CACNB4: variants seen among roughly 807,000 people sequenced by gnomAD.
CACNB4 encodes voltage-dependent L-type calcium channel subunit beta-4.
CACNB4 carries 32 observed loss-of-function variants against 71.2 expected under a neutral mutation model. That is an observed-to-expected ratio of 0.45 (90% CI 0.34 to 0.60). The LOEUF (loss-of-function observed/expected upper bound fraction) is 0.60, where lower values mean the gene tolerates loss of function less well. CACNB4 is among the 20% of genes least tolerant of loss of function. The pLI, the probability that CACNB4 is intolerant of heterozygous loss-of-function variation, is 0.01. For synonymous variants in CACNB4, 231 were observed against 236.9 expected, an observed-to-expected ratio of 0.97 and a Z score of 0.23; for missense variants, 464 against 647.9, an observed-to-expected ratio of 0.72 and a Z score of 3.08.
chr2:151,961,369 A>G (rs1170701649), intron 2 of CACNB4, among the ~76,000 whole-genome samples: 3 of 152,212 alleles, frequency 2.0e-5, no homozygotes, highest in Non-Finnish European at 2.9e-5. Context: ...TAGCTTCTCA[A>G]GCTTTCTCCA....
intron 2 of CACNB4, among the ~76,000 whole-genome samples, chr2:151,895,805 A>T (rs1296965947): frequency 6.6e-6 from 1 of 150,784 alleles, no homozygotes; most frequent in African/African-American, 2.4e-5. Flanking sequence ...AGCACTTACT[A>T]TGTCCCATGA....
At chr2:151,959,528 G>A (rs1257865670) in intron 2 of CACNB4, among the ~76,000 whole-genome samples, 1 of 152,142 alleles carries the variant, frequency 6.6e-6, no homozygotes, top group African/African-American at 2.4e-5. Context: ...TGTAAATGCA[G>A]CACTCAAATG....
chr2:151,955,477 A>AATGGTGAAGAAGCCATCCAAG (rs2151677884), intron 2 of CACNB4, among the ~76,000 whole-genome samples: 1 of 152,282 alleles, frequency 6.6e-6, no homozygotes, highest in East Asian at 1.9e-4. Context: ...AGACACATGA[A>AATGGTGAAGAAGCCATCCAAG]ATGGTGAAGA....
At chr2:151,943,139 G>A (rs766256344) in intron 2 of CACNB4, among the ~76,000 whole-genome samples, 1 of 152,158 alleles carries the variant, frequency 6.6e-6, no homozygotes. Context: ...AGGCTTAGGT[G>A]GGCATCACGG....
At chr2:151,932,048 C>T (rs1462275649) in intron 2 of CACNB4, among the ~76,000 whole-genome samples, 1 of 151,894 alleles carries the variant, frequency 6.6e-6, no homozygotes, top group African/African-American at 2.4e-5. Flanking sequence ...AGGAGAGACA[C>T]CAGGCTGTTA....
chr2:152,095,292 T>A (rs532084043), intron 2 of CACNB4, among the ~76,000 whole-genome samples: 1 of 152,162 alleles, frequency 6.6e-6, no homozygotes, highest in African/African-American at 2.4e-5. Context: ...TGTTCATGTG[T>A]GTGCATGCAC....
At chr2:151,889,693 G>C (rs2099850261) in intron 2 of CACNB4, among the ~76,000 whole-genome samples, 1 of 152,098 alleles carries the variant, frequency 6.6e-6, no homozygotes, top group Admixed American at 6.5e-5. Flanking sequence ...GTTGTCATTA[G>C]GCTATCTTTA....
At chr2:151,927,930 A>G (rs2099860658) in intron 2 of CACNB4, among the ~76,000 whole-genome samples, 1 of 152,206 alleles carries the variant, frequency 6.6e-6, no homozygotes, top group East Asian at 1.9e-4. Context: ...ACATAAGAAA[A>G]AGGAAAATCT....
At chr2:152,068,285 G>A (rs1686461317) in intron 2 of CACNB4, among the ~76,000 whole-genome samples, 1 of 152,122 alleles carries the variant, frequency 6.6e-6, no homozygotes, top group African/African-American at 2.4e-5. Flanking sequence ...CCCTTGCCTA[G>A]AGACCCTGCA....
chr2:152,057,676 T>A (rs1226248667), intron 2 of CACNB4, among the ~76,000 whole-genome samples: 1 of 152,124 alleles, frequency 6.6e-6, no homozygotes, highest in Non-Finnish European at 1.5e-5. Context: ...TGTATATACA[T>A]ACACACATGC....
intron 2 of CACNB4, among the ~76,000 whole-genome samples, chr2:152,064,261 G>A: frequency 6.6e-6 from 1 of 152,152 alleles, no homozygotes; most frequent in East Asian, 1.9e-4. Context: ...CCAGGGAGAA[G>A]GCAAAAACAT....
At chr2:152,087,712 T>C (rs1026369526) in intron 2 of CACNB4, among the ~76,000 whole-genome samples, 2 of 151,642 alleles carry the variant, frequency 1.3e-5, no homozygotes, top group African/African-American at 2.4e-5. Flanking sequence ...ACCCCATCTC[T>C]ACCAAAAAAT....
chr2:151,958,076 A>G (rs2099868774), intron 2 of CACNB4, among the ~76,000 whole-genome samples: 1 of 152,190 alleles, frequency 6.6e-6, no homozygotes, highest in African/African-American at 2.4e-5. Context: ...GTGATTATCA[A>G]GCTTATTTGA....
chr2:152,091,543 GA>G (rs933294080), intron 2 of CACNB4, among the ~76,000 whole-genome samples: 4 of 151,974 alleles, frequency 2.6e-5, no homozygotes, highest in Admixed American at 2.0e-4. Flanking sequence ...GCTGAGGCAG[GA>G]CCAGCCTCCC....
At chr2:152,029,005 A>G (rs1450314958) in intron 2 of CACNB4, among the ~76,000 whole-genome samples, 2 of 152,250 alleles carry the variant, frequency 1.3e-5, no homozygotes, top group East Asian at 3.8e-4. Context: ...CCAAGAAGAT[A>G]GAGTGTGTTG....
chr2:152,067,927 G>C (rs1163395960), intron 2 of CACNB4, among the ~76,000 whole-genome samples: 1 of 152,192 alleles, frequency 6.6e-6, no homozygotes, highest in Non-Finnish European at 1.5e-5. Context: ...AAGCCTTGAA[G>C]AGGTAATATT....
intron 3 of CACNB4, among the ~76,000 whole-genome samples, chr2:151,881,477 A>C (rs2099847828): frequency 6.6e-6 from 1 of 152,230 alleles, no homozygotes; most frequent in South Asian, 2.1e-4. Flanking sequence ...TCTCTAGCTA[A>C]CGAAGCTGGT....
At chr2:152,031,389 G>A (rs1311867162) in intron 2 of CACNB4, among the ~76,000 whole-genome samples, 1 of 152,244 alleles carries the variant, frequency 6.6e-6, no homozygotes, top group African/African-American at 2.4e-5. Flanking sequence ...AGTTCAGGCT[G>A]GTAGGAGGAC....
At chr2:151,900,253 G>A (rs190198472) in intron 2 of CACNB4, among the ~76,000 whole-genome samples, 150 of 152,308 alleles carry the variant, frequency 9.8e-4, no homozygotes, top group African/African-American at 3.3e-3. Flanking sequence ...CTGTGTTCAT[G>A]AAACAAGGCA....
Sources: gnomAD v4.1 joint callset for allele counts (sites outside exome capture counted in the v4.1 genomes callset) on GRCh38, gnomAD v4.1.1 for gene constraint, MANE v1.5 for transcripts, NCBI Gene and HGNC (gene_info 2026-07-23, HGNC 2026-07-21) for gene names.